The following YBX3 variants were observed in gnomAD, a reference collection of about 807,000 sequenced individuals.
YBX3 encodes Y-box-binding protein 3.
A neutral mutation model predicts 42.4 loss-of-function variants in YBX3; 29 were observed. That is an observed-to-expected ratio of 0.68 (90% confidence interval 0.51 to 0.93). The LOEUF is 0.93. YBX3 is among the 40% of genes least tolerant of loss of function. The pLI is 0.00. For missense variants in YBX3, 517 were observed against 527.5 expected (o/e 0.98, Z 0.19); for synonymous variants, 195 against 189.8 (o/e 1.03, Z -0.22).
At chr12:10,708,354 CGTT>C (rs1201418805) in intron 6 of YBX3, among the ~76,000 whole-genome samples, 2 of 151,736 alleles carry the variant, frequency 1.3e-5, no homozygotes, top group African/African-American at 4.8e-5. Flanking sequence ...AATTTCATAG[CGTT>C]GTAATAGTAG....
rs1408026709 is a variant in YBX3, at chr12:10,723,264, C to G, written c.-153G>C. On this transcript the variant is annotated 5_prime_UTR_variant, in exon 1 of 10. Coordinates refer to ENST00000228251, the MANE Select transcript of YBX3 (RefSeq NM_003651.5). ...CGGCGGCCGAGGTGGGGTCGCGCGG[C>G]GGAGGCGGCTCGAGCTTCGTGCTGC... is the stretch of plus-strand genomic sequence containing the variant. 5 of 1,140,896 alleles carry G rather than the reference C, an allele frequency of 4.4e-6. No homozygotes were observed. In the African/African-American group the frequency reaches 8.2e-5, roughly 19 times the overall value. The allele number at this position is 1,140,896 out of a possible 1,614,324, so 70.7% of individuals were successfully genotyped here.
chr12:10,708,215 T>C (rs1054447591), intron 6 of YBX3, among the ~76,000 whole-genome samples: 3 of 152,218 alleles, frequency 2.0e-5, no homozygotes, highest in Non-Finnish European at 2.9e-5. Context: ...TTCAAATCTA[T>C]AGAACTATTT....
rs984947656 is a variant in YBX3 at position 10,723,141 on chromosome 12, G to A, written c.-30C>T. The A allele has an allele frequency of 6.7e-6, 8 of 1,193,242 alleles. No individual in the cohort carries two copies. Among genetic ancestry groups the A allele is most frequent in the Middle Eastern group, 3.2e-4 (1 of 3,078 alleles). The allele number at this position is 1,193,242 out of a possible 1,614,324, so 73.9% of individuals were successfully genotyped here. A position where few individuals can be genotyped will look rare whatever the true frequency, so the allele number is the denominator to read the frequency against. ...CCTCCTCCTCTGCTCTCGCTCAGGC[G>A]CCTCGGTGGCGGTTGGTCGGCGGTT... On this transcript the variant is annotated 5_prime_UTR_variant, in exon 1 of 10. Coordinates refer to ENST00000228251, the MANE Select transcript of YBX3 (RefSeq NM_003651.5).
At chr12:10,718,727 A>C (rs906306551) in intron 2 of YBX3, among the ~76,000 whole-genome samples, 1 of 152,220 alleles carries the variant, frequency 6.6e-6, no homozygotes, top group South Asian at 2.1e-4. Context: ...TCAATGACTC[A>C]CTAGTTGGGT....
intron 1 of YBX3, among the ~76,000 whole-genome samples, chr12:10,721,302 C>T (rs911641726): frequency 6.6e-6 from 1 of 152,184 alleles, no homozygotes; most frequent in African/African-American, 2.4e-5. Context: ...GGAAATTAAC[C>T]TTCATTTATC....
chr12:10,718,044 C>T (rs377345423), intron 3 of YBX3, 44 bp downstream of exon 3: 1 of 1,545,264 alleles, frequency 6.5e-7, no homozygotes, highest in Non-Finnish European at 8.9e-7. Context: ...AGATTACACA[C>T]CCTCTCCTCA....
intron 1 of YBX3, among the ~76,000 whole-genome samples, chr12:10,720,147 T>C (rs1294549984): frequency 6.6e-6 from 1 of 152,188 alleles, no homozygotes; most frequent in East Asian, 1.9e-4. Context: ...AAAGCCTCAG[T>C]AGAGAATGAA....
chr12:10,717,204 A>G (rs1405440405), intron 3 of YBX3, among the ~76,000 whole-genome samples: 1 of 152,194 alleles, frequency 6.6e-6, no homozygotes, highest in African/African-American at 2.4e-5. Context: ...GGTCACTCCA[A>G]TACACACACA....
At chr12:10,705,240 T>C (rs1253307143) in intron 6 of YBX3, among the ~76,000 whole-genome samples, 4 of 152,136 alleles carry the variant, frequency 2.6e-5, no homozygotes. Flanking sequence ...ACTACAGGCA[T>C]GTGCCACCAC....
intron 9 of YBX3, among the ~76,000 whole-genome samples, chr12:10,700,635 CCT>C (rs944944089): frequency 6.6e-6 from 1 of 151,996 alleles, no homozygotes; most frequent in African/African-American, 2.4e-5. Context: ...GTAAACACTC[CCT>C]GTTATTTCAC....
chr12:10,704,435 T>A, intron 6 of YBX3: 2 of 259,954 alleles, frequency 7.7e-6, no homozygotes, highest in Non-Finnish European at 1.4e-5. Flanking sequence ...ATTTCATTCA[T>A]CTCTTTAAAT....
intron 2 of YBX3, 133 bp from the exon 3 acceptor site, chr12:10,718,254 A>G: frequency 1.4e-6 from 1 of 716,102 alleles, no homozygotes. Context: ...TCTACACTCA[A>G]TTCAGACACC....
chr12:10,709,897 T>A lies in YBX3; in HGVS notation c.780+11A>T, dbSNP rs535031876. On this transcript the variant is annotated intron_variant, in intron 6 of 9. Transcript: ENST00000228251. ...AGGATTGCTGAAGAGAAGTCTCAGT[T>A]GCAATTTTACCTGTATTCTGTTGGG... is the stretch of plus-strand genomic sequence containing the variant. 2 of 1,613,508 alleles carry A rather than the reference T, an allele frequency of 1.2e-6. No individual in the cohort carries two copies. The highest frequency in any genetic ancestry group is 1.7e-6 in the Non-Finnish European group (2 of 1,180,004).
Position 10,719,094 on chromosome 12 carries a change from AT to A in YBX3, c.311del (p.Tyr104LeufsTer4). 6.2e-7 allele frequency: 1 copy of A among 1,613,500 alleles called. No homozygotes were observed. Among genetic ancestry groups the A allele is most frequent in the Non-Finnish European group, 8.5e-7 (1 of 1,179,638 alleles). Reference protein sequence around the residue: ...TVKWFNVRNGYGFINRNDTKE... With the variant: ...TVKWFNVRNGXGFINRNDTKE... ...CACACACATACCGATTTATAAATCC[AT>A]ATCCATTTCTGACGTTGAACCATTT... On this transcript the variant is annotated frameshift_variant, in exon 2 of 10. Transcript: ENST00000228251. LOFTEE classifies it high-confidence loss of function.
chr12:10,708,515 T>G (rs74734541), intron 6 of YBX3, among the ~76,000 whole-genome samples: 4 of 152,200 alleles, frequency 2.6e-5, no homozygotes, highest in Non-Finnish European at 5.9e-5. Flanking sequence ...TTTGATGCTC[T>G]TGACTGGCTT....
intron 5 of YBX3, chr12:10,710,775 C>T (rs1414508914): frequency 2.5e-6 from 1 of 395,442 alleles, no homozygotes; most frequent in African/African-American, 2.1e-5. Flanking sequence ...TCTATTAAAC[C>T]ATACATCAGA....
chr12:10,720,998 T>C (rs1293991364), intron 1 of YBX3: 1 of 152,216 alleles, frequency 6.6e-6, no homozygotes, highest in Non-Finnish European at 1.5e-5. Flanking sequence ...GAAAATTTTT[T>C]TGCACTCATG....
intron 5 of YBX3, 25 bp from the exon 6 acceptor site, chr12:10,710,139 T>C (rs1948184539): frequency 6.2e-7 from 1 of 1,606,734 alleles, no homozygotes; most frequent in Non-Finnish European, 8.5e-7. Context: ...AAACAGAGAT[T>C]CAGAAGAAGT....
Position 10,722,897 on chromosome 12 carries a change from G to C in YBX3, c.215C>G (p.Ser72Cys), listed in dbSNP as rs545653614. The stretch of plus-strand genomic sequence containing the variant: ...TTCGCTGCCGGCGGCGGTGGCTAAA[G>C]AGGCGGCGGCCGCGGTGCCCGTGGC... Reference protein sequence around the residue: ...PAATGTAAAASLATAAGSEDA... With the variant: ...PAATGTAAAACLATAAGSEDA... The change falls in exon 1 of 10, where the codon TCT becomes TGT. Residue 72 changes from serine (S) to cysteine (C), a missense_variant. Coordinates refer to ENST00000228251, the MANE Select transcript of YBX3 (RefSeq NM_003651.5). 2.0e-4 allele frequency: 294 copies of C among 1,460,564 alleles called. No homozygotes were observed. The highest frequency in any genetic ancestry group is 2.5e-4 in the Non-Finnish European group (282 of 1,106,544). The allele number at this position is 1,460,564 out of a possible 1,614,324, so 90.5% of individuals were successfully genotyped here. A position where few individuals can be genotyped will look rare whatever the true frequency, so the allele number is the denominator to read the frequency against.
Sources: allele counts gnomAD v4.1 joint callset (sites outside exome capture counted in the v4.1 genomes callset), GRCh38; gene constraint gnomAD v4.1.1; transcripts MANE v1.5; gene names NCBI Gene and HGNC (gene_info 2026-07-23, HGNC 2026-07-21).